Variants in KDM4C observed in about 807,000 individuals in gnomAD.
KDM4C encodes lysine demethylase 4C.
A neutral mutation model predicts 129.3 loss-of-function variants in KDM4C; 81 were observed. The ratio of observed to expected loss-of-function variants is 0.63; its 90% CI spans 0.52 to 0.75. KDM4C has a LOEUF of 0.75. Ranked by LOEUF, KDM4C falls within the 30% of genes least tolerant of loss-of-function variation. The pLI is 0.00. For missense variants in KDM4C, 1,457 were observed against 1,304.0 expected, an observed-to-expected ratio of 1.12 and a Z score of -1.81; for synonymous variants, 573 against 456.1, an observed-to-expected ratio of 1.26 and a Z score of -3.26.
intron 15 of KDM4C, among the ~76,000 whole-genome samples, chr9:7,037,632 A>G (rs1402341000): frequency 6.6e-6 from 1 of 152,196 alleles, no homozygotes; most frequent in African/African-American, 2.4e-5. Context: ...GGATTTTGTC[A>G]GTGGTATTAG....
intron 17 of KDM4C, among the ~76,000 whole-genome samples, chr9:7,059,752 A>G (rs1831356336): frequency 6.6e-6 from 1 of 152,240 alleles, no homozygotes; most frequent in Non-Finnish European, 1.5e-5. Context: ...GAGATTGGCA[A>G]AAATTTAAAA....
intron 18 of KDM4C, among the ~76,000 whole-genome samples, chr9:7,109,401 T>C (rs1301606069): frequency 6.6e-6 from 1 of 152,230 alleles, no homozygotes; most frequent in East Asian, 1.9e-4. Flanking sequence ...TCTCTCCAAC[T>C]TTCTAGAATT....
chr9:7,021,019 T>G (rs1449804026), intron 15 of KDM4C, among the ~76,000 whole-genome samples: 1 of 151,900 alleles, frequency 6.6e-6, no homozygotes, highest in Non-Finnish European at 1.5e-5. Flanking sequence ...TCCTAGTCTC[T>G]GGCTTCATGT....
At chr9:6,970,166 T>G (rs1485821771) in intron 8 of KDM4C, among the ~76,000 whole-genome samples, 1 of 152,234 alleles carries the variant, frequency 6.6e-6, no homozygotes, top group Non-Finnish European at 1.5e-5. Flanking sequence ...AATCATGCGG[T>G]GCAATTTTGT....
At chr9:7,063,234 G>C (rs1028596358) in intron 17 of KDM4C, among the ~76,000 whole-genome samples, 1 of 152,168 alleles carries the variant, frequency 6.6e-6, no homozygotes, top group Non-Finnish European at 1.5e-5. Flanking sequence ...TCTGGATTTA[G>C]TAAATTAAAT....
chr9:7,122,125 A>G (rs1839547467), intron 18 of KDM4C, among the ~76,000 whole-genome samples: 1 of 152,064 alleles, frequency 6.6e-6, no homozygotes, highest in African/African-American at 2.4e-5. Context: ...TGCAGGCTGT[A>G]TAGGAAGCAT....
intron 1 of KDM4C, among the ~76,000 whole-genome samples, chr9:6,765,045 G>T (rs1029418080): frequency 2.0e-5 from 3 of 152,090 alleles, no homozygotes; most frequent in African/African-American, 7.2e-5. Flanking sequence ...CAATCCGCTT[G>T]TCTCCACCTC....
chr9:7,138,734 C>G (rs1005641615), intron 19 of KDM4C, among the ~76,000 whole-genome samples: 1 of 151,786 alleles, frequency 6.6e-6, no homozygotes, highest in African/African-American at 2.4e-5. Context: ...CAGGAGGAAC[C>G]CTTAAGCCCA....
chr9:6,841,485 A>G (rs1238469990), intron 4 of KDM4C, among the ~76,000 whole-genome samples: 1 of 152,206 alleles, frequency 6.6e-6, no homozygotes, highest in Non-Finnish European at 1.5e-5. Flanking sequence ...CTTCTATTAT[A>G]TGGAAAGTAC....
chr9:6,777,637 A>C (rs1276100834), intron 1 of KDM4C, among the ~76,000 whole-genome samples: 1 of 152,056 alleles, frequency 6.6e-6, no homozygotes, highest in South Asian at 2.1e-4. Flanking sequence ...CTTGAAGTTA[A>C]AATTTTTTTT....
chr9:7,171,698 T>C (rs1374049150), intron 21 of KDM4C, among the ~76,000 whole-genome samples: 1 of 152,186 alleles, frequency 6.6e-6, no homozygotes, highest in East Asian at 1.9e-4. Context: ...ATCTCTTTGT[T>C]TCACAGTAGA....
intron 17 of KDM4C, among the ~76,000 whole-genome samples, chr9:7,095,264 T>C (rs1008113336): frequency 1.3e-5 from 2 of 152,258 alleles, no homozygotes; most frequent in Non-Finnish European, 2.9e-5. Context: ...TTTGAGGAAC[T>C]ATACACTACT....
At chr9:7,071,190 C>T (rs1431496117) in intron 17 of KDM4C, among the ~76,000 whole-genome samples, 1 of 152,124 alleles carries the variant, frequency 6.6e-6, no homozygotes, top group African/African-American at 2.4e-5. Flanking sequence ...GAAAGTTACA[C>T]CTGATTGGAA....
At chr9:6,817,817 A>C (rs376580214) in intron 4 of KDM4C, among the ~76,000 whole-genome samples, 60 of 127,840 alleles carry the variant, frequency 4.7e-4, no homozygotes, top group African/African-American at 1.8e-3. Flanking sequence ...CCCAGGCTGG[A>C]GTGCAGTGGC....
intron 5 of KDM4C, among the ~76,000 whole-genome samples, chr9:6,854,143 G>A (rs1284490137): frequency 6.6e-6 from 1 of 152,072 alleles, no homozygotes; most frequent in Non-Finnish European, 1.5e-5. Flanking sequence ...TCCCTTCCAA[G>A]CCTCTTGTGT....
At chr9:7,062,474 ACTTCCTGGGCTTAAGT>A (rs1831834963) in intron 17 of KDM4C, among the ~76,000 whole-genome samples, 1 of 151,824 alleles carries the variant, frequency 6.6e-6, no homozygotes, top group African/African-American at 2.4e-5. Context: ...TGCAGCCTTT[ACTTCCTGGGCTTAAGT>A]GATCTTCCCA....
intron 12 of KDM4C, among the ~76,000 whole-genome samples, chr9:6,997,574 C>T (rs922538442): frequency 2.6e-5 from 4 of 152,206 alleles, no homozygotes; most frequent in Non-Finnish European, 5.9e-5. Context: ...TCTGGGGCAT[C>T]TGGCACAAGC....
chr9:6,838,712 C>T (rs916306325), intron 4 of KDM4C, among the ~76,000 whole-genome samples: 2 of 147,110 alleles, frequency 1.4e-5, no homozygotes, highest in Admixed American at 1.4e-4. Flanking sequence ...TATAAAAATG[C>T]AAAAGGGAAA....
At chr9:6,847,869 A>C (rs1489393259) in intron 4 of KDM4C, among the ~76,000 whole-genome samples, 1 of 152,212 alleles carries the variant, frequency 6.6e-6, no homozygotes, top group Non-Finnish European at 1.5e-5. Context: ...ATAGTTTTTT[A>C]ACCCCAAAGC....
Sources: gnomAD v4.1 joint callset for allele counts (sites outside exome capture counted in the v4.1 genomes callset) on GRCh38, gnomAD v4.1.1 for gene constraint, MANE v1.5 for transcripts, NCBI Gene and HGNC (gene_info 2026-07-23, HGNC 2026-07-21) for gene names.